SH3GL3: variants seen among roughly 807,000 people sequenced by gnomAD.
SH3GL3 encodes the protein endophilin-A3.
Under a neutral mutation model 47.7 loss-of-function variants are expected in SH3GL3, and 33 were observed. The ratio of observed to expected loss-of-function variants is 0.69; its 90% CI spans 0.52 to 0.92. The LOEUF (loss-of-function observed/expected upper bound fraction) is 0.92, where lower values mean the gene tolerates loss of function less well. Ranked by LOEUF, SH3GL3 falls within the 40% of genes least tolerant of loss-of-function variation. SH3GL3 has a pLI of 0.00. For synonymous variants in SH3GL3, 155 were observed against 148.8 expected, an observed-to-expected ratio of 1.04 and a Z score of -0.30; for missense variants, 363 against 417.8, an observed-to-expected ratio of 0.87 and a Z score of 1.14.
intron 5 of SH3GL3, among the ~76,000 whole-genome samples, chr15:83,574,199 C>T (rs1255852678): frequency 6.6e-6 from 1 of 152,116 alleles, no homozygotes; most frequent in Non-Finnish European, 1.5e-5. Context: ...CCCTGGATGC[C>T]TGTCCAGGCA....
chr15:83,627,772 G>A, the SH3GL3 span, among the ~76,000 whole-genome samples: 7 of 152,260 alleles, frequency 4.6e-5, no homozygotes, highest in South Asian at 1.5e-3. Flanking sequence ...AGGCAATATT[G>A]GGCGATAAAA....
At chr15:83,481,046 C>T (rs896793961) in intron 1 of SH3GL3, among the ~76,000 whole-genome samples, 8 of 152,002 alleles carry the variant, frequency 5.3e-5, no homozygotes, top group East Asian at 3.9e-4. Flanking sequence ...GAGGCCGAGG[C>T]GGGCGGATCA....
At chr15:83,478,614 T>A (rs747904973) in intron 1 of SH3GL3, among the ~76,000 whole-genome samples, 2 of 152,220 alleles carry the variant, frequency 1.3e-5, no homozygotes, top group Non-Finnish European at 2.9e-5. Flanking sequence ...AGTATAGTAA[T>A]CATTTAGTAT....
intron 1 of SH3GL3, among the ~76,000 whole-genome samples, chr15:83,520,432 C>T (rs2043158600): frequency 6.6e-6 from 1 of 152,264 alleles, no homozygotes; most frequent in Middle Eastern, 3.4e-3. Flanking sequence ...TAGTAATTTG[C>T]GTGTGGTGAG....
At chr15:83,456,775 C>T (rs191547406) in intron 1 of SH3GL3, among the ~76,000 whole-genome samples, 145 of 151,936 alleles carry the variant, frequency 9.5e-4, no homozygotes, top group African/African-American at 3.0e-3. Context: ...TCTTCTGCGT[C>T]GCTCACGCTG....
At chr15:83,480,192 A>G (rs1413005234) in intron 1 of SH3GL3, among the ~76,000 whole-genome samples, 1 of 152,192 alleles carries the variant, frequency 6.6e-6, no homozygotes, top group Non-Finnish European at 1.5e-5. Flanking sequence ...GGTTAAAAAA[A>G]TCCTCTTTAA....
chr15:83,493,863 G>C (rs534729556), intron 1 of SH3GL3, among the ~76,000 whole-genome samples: 2 of 152,310 alleles, frequency 1.3e-5, no homozygotes, highest in African/African-American at 4.8e-5. Context: ...ATATCCAAGA[G>C]GTTGTTGTGA....
Position 83,609,690 on chromosome 15 carries a change from G to A in SH3GL3, c.839-8392G>A, listed in dbSNP as rs545319686. Among the ~76,000 whole-genome samples the A allele has an allele frequency of 6.6e-5, 10 of 152,290 alleles. No individual in the cohort carries two copies. The East Asian group carries it at 1.7e-3, about 27-fold the overall frequency. On this transcript the variant is annotated intron_variant, in intron 8 of 8. Transcript: ENST00000427482. ...GGAGCAAGCACAGTGGGCTCCTTCG[G>A]TGGTCTGAAAAGAACCCAAGTTCCA... is the stretch of plus-strand genomic sequence containing the variant.
chr15:83,539,656 A>T (rs2151697544), intron 1 of SH3GL3, among the ~76,000 whole-genome samples: 1 of 152,242 alleles, frequency 6.6e-6, no homozygotes, highest in East Asian at 1.9e-4. Flanking sequence ...TGTCAGATAG[A>T]TGTGTGGAAA....
chr15:83,589,711 G>A (rs573478727), intron 8 of SH3GL3, among the ~76,000 whole-genome samples: 24 of 152,202 alleles, frequency 1.6e-4, no homozygotes, highest in South Asian at 1.2e-3. Context: ...ATTATACTAG[G>A]CATATTGTTT....
chr15:83,559,403 C>T (rs534336414), intron 2 of SH3GL3, 82 bp downstream of exon 2: 7 of 811,604 alleles, frequency 8.6e-6, no homozygotes, highest in Non-Finnish European at 1.5e-5. Context: ...AAAGGATATT[C>T]GAGTGGAAAT....
intron 1 of SH3GL3, among the ~76,000 whole-genome samples, chr15:83,508,155 T>A (rs1021783054): frequency 2.6e-5 from 4 of 152,038 alleles, no homozygotes; most frequent in African/African-American, 9.7e-5. Context: ...TTGGCTAGGA[T>A]GGTCTCGATC....
chr15:83,550,686 G>A lies in SH3GL3; in HGVS notation c.46-8567G>A, dbSNP rs569507995. ...ATTACAGACATGAGCCACTGTGCCCGGCCCTCCATTACCATTTTAAAGCCT... is the reference window on the plus strand; with the variant it reads ...ATTACAGACATGAGCCACTGTGCCCAGCCCTCCATTACCATTTTAAAGCCT... On this transcript the variant is annotated intron_variant, in intron 1 of 8. Transcript: ENST00000427482. 3.9e-5 allele frequency among the ~76,000 whole-genome samples: 6 copies of A among 152,220 alleles called. No homozygotes were observed. The South Asian group carries it at 6.2e-4, about 16-fold the overall frequency.
chr15:83,631,966 T>G, the SH3GL3 span, among the ~76,000 whole-genome samples: 2 of 152,240 alleles, frequency 1.3e-5, no homozygotes, highest in African/African-American at 4.8e-5. Context: ...ATGCTCTGCT[T>G]CCTCTTGAAC....
intron 1 of SH3GL3, among the ~76,000 whole-genome samples, chr15:83,465,023 T>TAATAAC (rs1362007455): frequency 1.5e-5 from 2 of 137,902 alleles, no homozygotes; most frequent in African/African-American, 2.6e-5. Context: ...ATAATAATAA[T>TAATAAC]AACAGCAATA....
chr15:83,464,529 A>C (rs773264616), intron 1 of SH3GL3, among the ~76,000 whole-genome samples: 17 of 152,184 alleles, frequency 1.1e-4, no homozygotes, highest in Non-Finnish European at 2.4e-4. Context: ...TGGATATTTA[A>C]AAAATCTCAA....
chr15:83,495,812 C>G (rs1240871289), intron 1 of SH3GL3, among the ~76,000 whole-genome samples: 3 of 152,060 alleles, frequency 2.0e-5, no homozygotes, highest in Non-Finnish European at 2.9e-5. Flanking sequence ...AATGGACTTT[C>G]CTTATGATAG....
chr15:83,609,279 G>A (rs2060604313), intron 8 of SH3GL3: 1 of 456,062 alleles, frequency 2.2e-6, no homozygotes, highest in Non-Finnish European at 4.4e-6. Context: ...GCCTACAGCA[G>A]ACTGGAACCA....
intron 3 of SH3GL3, 84 bp from the exon 4 acceptor site, chr15:83,568,445 T>G: frequency 9.0e-7 from 1 of 1,114,420 alleles, no homozygotes; most frequent in Admixed American, 1.9e-5. Flanking sequence ...TGACCTCAGT[T>G]TTGGCAGCTG....
Sources: allele counts gnomAD v4.1 joint callset (sites outside exome capture counted in the v4.1 genomes callset), GRCh38; gene constraint gnomAD v4.1.1; transcripts MANE v1.5; gene names NCBI Gene and HGNC (gene_info 2026-07-23, HGNC 2026-07-21).